Variants in KLF13 observed in about 807,000 individuals in gnomAD.
KLF13 encodes the protein KLF transcription factor 13, also known as Krueppel-like factor 13.
KLF13 carries 8 observed loss-of-function variants against 16.7 expected under a neutral mutation model. That is an observed-to-expected ratio of 0.48 (90% CI 0.28 to 0.87). The LOEUF (loss-of-function observed/expected upper bound fraction) is 0.87, where lower values mean the gene tolerates loss of function less well. KLF13 is among the 40% of genes least tolerant of loss of function. The pLI is 0.10. For synonymous variants in KLF13, 245 were observed against 208.4 expected (o/e 1.18, Z -1.51); for missense variants, 447 against 452.2 (o/e 0.99, Z 0.10).
intron 2 of KLF13, among the ~76,000 whole-genome samples, chr15:31,395,785 T>A (rs1164046844): frequency 1.3e-5 from 2 of 152,202 alleles, no homozygotes; most frequent in Non-Finnish European, 2.9e-5. Context: ...TAATATCACA[T>A]CAAAATTAAT....
intron 1 of KLF13, chr15:31,420,233 C>T (rs1020636031): frequency 1.2e-5 from 8 of 657,594 alleles, no homozygotes; most frequent in Non-Finnish European, 2.0e-5. Context: ...CAAAAGACTA[C>T]AGCAGGAGCT....
chr15:31,359,906 G>A (rs749799289), intron 1 of KLF13, among the ~76,000 whole-genome samples: 3 of 152,196 alleles, frequency 2.0e-5, no homozygotes, highest in Non-Finnish European at 4.4e-5. Context: ...ACCAAGGAGC[G>A]CTGAGCCCTC....
intron 1 of KLF13, among the ~76,000 whole-genome samples, chr15:31,357,853 G>C (rs79449546): frequency 6.6e-6 from 1 of 152,138 alleles, no homozygotes; most frequent in Non-Finnish European, 1.5e-5. Flanking sequence ...GTGGGGAAAC[G>C]TGGATTGCTT....
chr15:31,432,843 G>A (rs1213894901), intron 1 of KLF13, among the ~76,000 whole-genome samples: 2 of 152,056 alleles, frequency 1.3e-5, no homozygotes, highest in African/African-American at 4.8e-5. Context: ...GGCTGGGTGC[G>A]GTAGCTCATG....
chr15:31,337,666 GA>G (rs1199192309), intron 1 of KLF13, among the ~76,000 whole-genome samples: 1 of 152,188 alleles, frequency 6.6e-6, no homozygotes, highest in Non-Finnish European at 1.5e-5. Flanking sequence ...GTACTGTCCT[GA>G]ATACTGTAGG....
At chr15:31,392,375 C>G (rs2039883709), upstream of KLF13, among the ~76,000 whole-genome samples, 1 of 152,222 alleles carries the variant, frequency 6.6e-6, no homozygotes, top group Admixed American at 6.5e-5. Context: ...GCTGGGGCGC[C>G]GAGTCACGGG....
chr15:31,379,583 CCCCCGGT>C (rs1190389689), downstream of KLF13, among the ~76,000 whole-genome samples: 2 of 152,220 alleles, frequency 1.3e-5, no homozygotes, highest in Non-Finnish European at 2.9e-5. Flanking sequence ...CCTTCAGAGG[CCCCCGGT>C]AATGGAGAAA....
chr15:31,339,870 A>G, intron 1 of KLF13: 3 of 683,130 alleles, frequency 4.4e-6, no homozygotes, highest in Non-Finnish European at 8.1e-6. Flanking sequence ...GCTGTGGGAG[A>G]TGCAGCAGCG....
Position 31,376,119 on chromosome 15 carries a change from C to G in KLF13, c.*3820C>G, listed in dbSNP as rs2039641503. 1 of 152,610 alleles carries G rather than the reference C, an allele frequency of 6.6e-6. No individual in the cohort carries two copies. The highest frequency in any genetic ancestry group is 2.1e-4 in the South Asian group (1 of 4,832). 9.5% of individuals were successfully genotyped at this position (152,610 alleles called of 1,614,324 possible). On this transcript the variant is annotated 3_prime_UTR_variant, in exon 2 of 2. Coordinates refer to ENST00000307145, the MANE Select transcript of KLF13 (RefSeq NM_015995.4). ...TGTTCTGTCTCCCCACCCGGTGTGT[C>G]CAGAAGACCAGCCTCTTTCTTGCCA...
chr15:31,392,095 T>A (rs2039879947), upstream of KLF13, among the ~76,000 whole-genome samples: 1 of 151,648 alleles, frequency 6.6e-6, no homozygotes, highest in Non-Finnish European at 1.5e-5. Context: ...GCGGTCTCCA[T>A]CCCCCTCGGA....
intron 1 of KLF13, among the ~76,000 whole-genome samples, chr15:31,343,785 T>C (rs1379718877): frequency 6.6e-6 from 1 of 152,172 alleles, no homozygotes; most frequent in Admixed American, 6.5e-5. Context: ...GCCCACTGAC[T>C]GCGGGTCACC....
intron 1 of KLF13, among the ~76,000 whole-genome samples, chr15:31,371,035 G>A (rs912289060): frequency 3.9e-5 from 6 of 152,114 alleles, no homozygotes; most frequent in African/African-American, 1.4e-4. Flanking sequence ...CTGTATGGGG[G>A]TGAGAGGGGA....
intron 1 of KLF13, among the ~76,000 whole-genome samples, chr15:31,358,149 T>C (rs569620771): frequency 6.6e-5 from 10 of 152,326 alleles, no homozygotes; most frequent in Non-Finnish European, 7.3e-5. Context: ...TCCTTTGTTC[T>C]TGCCCAACAA....
chr15:31,420,157 C>A, intron 1 of KLF13: 1 of 497,572 alleles, frequency 2.0e-6, no homozygotes, highest in Non-Finnish European at 3.8e-6. Context: ...ACCCAGCAGC[C>A]ACTAGTGTCG....
At chr15:31,403,793 C>G (rs1428337070) in exon 3 of KLF13, 4 of 152,186 alleles carry the variant, frequency 2.6e-5, no homozygotes, top group African/African-American at 9.7e-5. Flanking sequence ...TTTTTTCAAC[C>G]CATAGTCAGA....
chr15:31,350,081 A>G (rs1595464644), intron 1 of KLF13, among the ~76,000 whole-genome samples: 2 of 152,222 alleles, frequency 1.3e-5, no homozygotes, highest in Non-Finnish European at 2.9e-5. Context: ...AGCCCTAGAG[A>G]AAATGGCCCC....
At chr15:31,366,263 C>T (rs1210629276) in intron 1 of KLF13, 3 of 152,138 alleles carry the variant, frequency 2.0e-5, no homozygotes, top group African/African-American at 7.3e-5. Context: ...GTTCCCCCAA[C>T]CCTCCTACAG....
chr15:31,430,114 A>C (rs1424399165), intron 1 of KLF13, among the ~76,000 whole-genome samples: 2 of 152,158 alleles, frequency 1.3e-5, no homozygotes, highest in Non-Finnish European at 2.9e-5. Flanking sequence ...TCCAAACAGC[A>C]CTAATGATAA....
chr15:31,327,353 C>A lies in KLF13; in HGVS notation c.141C>A (p.Pro47=). The change falls in exon 1 of 2, where the codon CCC becomes CCA. Residue 47 remains proline, a synonymous_variant. Transcript: ENST00000307145. The stretch of plus-strand genomic sequence containing the variant: ...CCGTGGCCGCCACCCCCACGCTGCC[C>A]CGCGTCGAGGAGCGCCGCGACGGTA... ...GAAVAATPTL[P]RVEERRDGKD... is the part of the protein sequence containing the mutation. The A allele has an allele frequency of 7.8e-7, 1 of 1,281,016 alleles. No homozygotes were observed. The highest frequency in any genetic ancestry group is 9.8e-7 in the Non-Finnish European group (1 of 1,015,886). 79.4% of individuals were successfully genotyped at this position (1,281,016 alleles called of 1,614,324 possible).
Sources: allele counts gnomAD v4.1 joint callset (sites outside exome capture counted in the v4.1 genomes callset), GRCh38; gene constraint gnomAD v4.1.1; transcripts MANE v1.5; gene names NCBI Gene and HGNC (gene_info 2026-07-23, HGNC 2026-07-21).